The following ACOT11 variants were observed in gnomAD, a reference collection of about 807,000 sequenced individuals.
ACOT11 encodes acyl-coenzyme A thioesterase 11.
A neutral mutation model predicts 77.5 loss-of-function variants in ACOT11; 69 were observed. The observed-to-expected ratio is 0.89, with a 90% CI of 0.73 to 1.09. The LOEUF is 1.09. ACOT11 is among the 50% of genes least tolerant of loss of function. The pLI is 0.00. For missense variants in ACOT11, 766 were observed against 813.7 expected (o/e 0.94, Z 0.71); for synonymous variants, 279 against 313.0 (o/e 0.89, Z 1.15).
rs1267226348 is a variant in ACOT11, at chr1:54,601,298, A to G, written c.914A>G (p.Tyr305Cys). Residue 305 changes from tyrosine to cysteine, a missense_variant, in exon 9 of 16, where the codon TAT (tyrosine) becomes TGT (cysteine). Coordinates refer to ENST00000343744, the MANE Select transcript of ACOT11 (RefSeq NM_147161.4). ...GAGGTGGGCGTGTGCGTGGAGGCCT[A>G]TCGCCAGGAGGCTGAGACCCACCGG... ...SMEVGVCVEA[Y>C]RQEAETHRRH... 4 of 1,612,786 alleles carry G rather than the reference A, an allele frequency of 2.5e-6. No homozygotes were observed. The highest frequency in any genetic ancestry group is 2.2e-5 in the South Asian group (2 of 91,074).
intron 16 of ACOT11, among the ~76,000 whole-genome samples, chr1:54,632,018 C>G (rs1644302477): frequency 6.6e-6 from 1 of 152,112 alleles, no homozygotes. Context: ...TTTCCTGGAG[C>G]TTGTTTTAAC....
intron 1 of ACOT11, among the ~76,000 whole-genome samples, chr1:54,563,573 G>A (rs767250189): frequency 1.3e-5 from 2 of 152,168 alleles, no homozygotes; most frequent in Non-Finnish European, 2.9e-5. Flanking sequence ...ATGAGATGTG[G>A]CCCCTGTCTT....
At chr1:54,576,789 G>A (rs963502016) in intron 1 of ACOT11, among the ~76,000 whole-genome samples, 1 of 152,106 alleles carries the variant, frequency 6.6e-6, no homozygotes, top group Non-Finnish European at 1.5e-5. Flanking sequence ...GGGCGAGACT[G>A]GAGGTGTGGG....
intron 3 of ACOT11, among the ~76,000 whole-genome samples, chr1:54,587,707 G>A (rs1431062396): frequency 6.6e-6 from 1 of 150,466 alleles, no homozygotes; most frequent in Non-Finnish European, 1.5e-5. Flanking sequence ...GATTACAGGT[G>A]CGTGACACCA....
chr1:54,571,705 A>G (rs1262245193), intron 1 of ACOT11, among the ~76,000 whole-genome samples: 1 of 152,130 alleles, frequency 6.6e-6, no homozygotes. Context: ...TTTCTTGAAC[A>G]CTCCTGGGAA....
chr1:54,594,909 G>A (rs989569986), intron 6 of ACOT11, among the ~76,000 whole-genome samples: 2 of 152,220 alleles, frequency 1.3e-5, no homozygotes, highest in South Asian at 2.1e-4. Flanking sequence ...TGAAGCTGCC[G>A]TTAGGTCATG....
chr1:54,570,265 C>T (rs567592170), intron 1 of ACOT11, among the ~76,000 whole-genome samples: 173 of 152,356 alleles, frequency 1.1e-3, no homozygotes, highest in Middle Eastern at 0.01. Flanking sequence ...AGACTCTGTC[C>T]TATTCCACAT....
At chr1:54,583,066 C>G (rs1052564833) in intron 1 of ACOT11, among the ~76,000 whole-genome samples, 4 of 152,130 alleles carry the variant, frequency 2.6e-5, no homozygotes, top group African/African-American at 4.8e-5. Context: ...CGGGAAGTGC[C>G]TTGGCAGTGG....
intron 1 of ACOT11, among the ~76,000 whole-genome samples, chr1:54,561,914 ACCC>A (rs1356831218): frequency 1.9e-4 from 6 of 31,456 alleles, no homozygotes; most frequent in South Asian, 1.1e-3. Flanking sequence ...AGGGGGGCTG[ACCC>A]CCCCCCCACC....
intron 1 of ACOT11, among the ~76,000 whole-genome samples, chr1:54,560,909 G>C (rs1653451847): frequency 6.6e-6 from 1 of 152,018 alleles, no homozygotes; most frequent in South Asian, 2.1e-4. Context: ...TTTTAGTAGA[G>C]ACGGGGTTTC....
Position 54,602,569 on chromosome 1 carries a change from C to T in ACOT11, c.1030-100C>T, listed in dbSNP as rs191635774. 1.6e-4 allele frequency: 195 copies of T among 1,191,820 alleles called. 2 individuals carry two copies. In the African/African-American group the frequency reaches 2.8e-3, roughly 17 times the overall value. The allele number at this position is 1,191,820 out of a possible 1,614,324, so 73.8% of individuals were successfully genotyped here. On this transcript the variant is annotated intron_variant, in intron 9 of 15. Transcript: ENST00000343744. ...CAGCTGCCCCAGCGACACCTGAACTCCACGTTAGGGCTGCAGGAACTCCTT... is the reference window on the plus strand; with the variant it reads ...CAGCTGCCCCAGCGACACCTGAACTTCACGTTAGGGCTGCAGGAACTCCTT...
At chr1:54,598,257 T>G (rs1643913141) in intron 7 of ACOT11, 1 of 152,308 alleles carries the variant, frequency 6.6e-6, no homozygotes, top group Non-Finnish European at 1.5e-5. Context: ...GCACTTCAGC[T>G]GGGACTTGAA....
chr1:54,567,736 C>G (rs533647064), intron 1 of ACOT11, among the ~76,000 whole-genome samples: 5 of 152,320 alleles, frequency 3.3e-5, no homozygotes, highest in African/African-American at 1.2e-4. Context: ...CCTTCTCACA[C>G]ACGTGGAGTC....
In ACOT11 at chr1:54,619,875, G is replaced by A. The variant is rs149766098; in HGVS notation, c.1630-10859G>A. 2.0e-4 allele frequency: 326 copies of A among 1,614,008 alleles called. 1 individual carries two copies. The highest frequency in any genetic ancestry group is 5.0e-4 in the Middle Eastern group (3 of 6,004). ...GCAGCTGGACTTACTGTTCAGGGCA[G>A]CTGTCATGGCTTTCTTGCTGTTGGC... On this transcript the variant is annotated intron_variant, in intron 15 of 16. Coordinates refer to the ACOT11 transcript ENST00000371316.
Position 54,634,398 on chromosome 1 carries a change from G to A in ACOT11, c.1783-290G>A, listed in dbSNP as rs186394944. On this transcript the variant is annotated intron_variant, in intron 16 of 16. Transcript: ENST00000371316. ...ACGTCCTGTACTCAGCTCAAAAAGC[G>A]GAGCTTGTAGCGGTAATTGAGGTAT... Among the ~76,000 whole-genome samples, 11 of 152,290 alleles carry A rather than the reference G, an allele frequency of 7.2e-5. No individual in the cohort carries two copies. The South Asian group carries it at 1.4e-3, about 20-fold the overall frequency.
intron 13 of ACOT11, among the ~76,000 whole-genome samples, chr1:54,606,481 G>T (rs1644027506): frequency 6.6e-6 from 1 of 152,182 alleles, no homozygotes; most frequent in Non-Finnish European, 1.5e-5. Context: ...GTGTTGGTAT[G>T]AACCTGTGTA....
At chr1:54,615,403 TAA>T (rs1305879458) in intron 15 of ACOT11, among the ~76,000 whole-genome samples, 1 of 152,092 alleles carries the variant, frequency 6.6e-6, no homozygotes, top group Non-Finnish European at 1.5e-5. Flanking sequence ...CACGGAGGGT[TAA>T]AAGAGAGGCG....
Position 54,609,982 on chromosome 1 carries a change from T to G in ACOT11, c.*870T>G. ...GAGGCAACAGTGTTTAGGATTTGGG[T>G]TATCATAAGGTGTTAAGAGTCCCTT... On this transcript the variant is annotated 3_prime_UTR_variant, in exon 16 of 16. Transcript: ENST00000343744. 1.3e-6 allele frequency: 2 copies of G among 1,574,708 alleles called. No individual in the cohort carries two copies. Among genetic ancestry groups the G allele is most frequent in the Non-Finnish European group, 1.7e-6 (2 of 1,166,052 alleles).
intron 4 of ACOT11, among the ~76,000 whole-genome samples, 200 bp downstream of exon 4, chr1:54,592,806 C>T (rs563736461): frequency 3.3e-4 from 51 of 152,314 alleles, no homozygotes; most frequent in African/African-American, 1.1e-3. Context: ...ACAGGAAAAT[C>T]GAGGCCCAGG....
Sources: gnomAD v4.1 joint callset for allele counts (sites outside exome capture counted in the v4.1 genomes callset) on GRCh38, gnomAD v4.1.1 for gene constraint, MANE v1.5 for transcripts, NCBI Gene and HGNC (gene_info 2026-07-23, HGNC 2026-07-21) for gene names.